The following FNTB variants were observed in gnomAD, a reference collection of about 807,000 sequenced individuals.
The protein encoded by FNTB is farnesyltransferase, CAAX box, subunit beta, also known as protein farnesyltransferase subunit beta.
In FNTB, 27 loss-of-function variants were observed where a neutral mutation model predicts 59.4. That is an observed-to-expected ratio of 0.45 (90% CI 0.34 to 0.63). The LOEUF is 0.63. FNTB is among the 20% of genes least tolerant of loss of function. The probability of loss-of-function intolerance (pLI) is 0.02; values close to 1 mark genes in which losing one functional copy is unlikely to be tolerated. For synonymous variants in FNTB, 230 were observed against 220.7 expected (o/e 1.04, Z -0.37); for missense variants, 449 against 559.6 (o/e 0.80, Z 1.99).
At chr14:65,057,836 A>C (rs914592001) in intron 11 of FNTB, among the ~76,000 whole-genome samples, 1 of 152,150 alleles carries the variant, frequency 6.6e-6, no homozygotes, top group African/African-American at 2.4e-5. Context: ...TGTGTATCTC[A>C]TGTGTACCAC....
At chr14:65,038,836 A>G (rs957316571) in intron 7 of FNTB, among the ~76,000 whole-genome samples, 2 of 152,010 alleles carry the variant, frequency 1.3e-5, no homozygotes, top group African/African-American at 4.8e-5. Flanking sequence ...TCTTGTTTTT[A>G]TTTTTGTAAT....
At chr14:65,057,672 AATAGTCTAAAGCT>A in intron 11 of FNTB, among the ~76,000 whole-genome samples, 1 of 152,310 alleles carries the variant, frequency 6.6e-6, no homozygotes, top group East Asian at 1.9e-4. Context: ...ACTTCTTCTA[AATAGTCTAAAGCT>A]TGCTTTTTTA....
chr14:64,993,864 A>AT (rs1447602396), intron 1 of FNTB, among the ~76,000 whole-genome samples: 8 of 134,932 alleles, frequency 5.9e-5, no homozygotes, highest in Admixed American at 1.5e-4. Context: ...TTTTATTTTT[A>AT]TTTTTTTTGA....
At chr14:65,002,489 A>G (rs1028558402) in intron 1 of FNTB, among the ~76,000 whole-genome samples, 1 of 152,136 alleles carries the variant, frequency 6.6e-6, no homozygotes, top group African/African-American at 2.4e-5. Context: ...GGCACCTGTA[A>G]TCCTAGCTAC....
At position 65,031,696 on chromosome 14, in the gene FNTB, G is replaced by T. The variant is rs190006957; in HGVS notation, c.606-914G>T. ...AGCACTTTGGGAGGCCAAGGCAGGT[G>T]GATTGCTTGAGGTCAGGAGTTTGAA... is the stretch of plus-strand genomic sequence containing the variant. On this transcript the variant is annotated intron_variant, in intron 6 of 11. Transcript: ENST00000246166. The surrounding 1 kb of genome is among the most constrained non-coding windows in gnomAD (Gnocchi z 4.6). Among the ~76,000 whole-genome samples the T allele has an allele frequency of 0.09, 13,643 of 152,086 alleles. 847 individuals carry two copies. The highest frequency in any genetic ancestry group is 0.16 in the Admixed American group (2,481 of 15,284).
intron 9 of FNTB, among the ~76,000 whole-genome samples, chr14:65,052,379 T>C (rs564923580): frequency 6.6e-6 from 1 of 152,356 alleles, no homozygotes; most frequent in Admixed American, 6.5e-5. Flanking sequence ...TGGGCATCTT[T>C]TTTTTAAAAA....
At chr14:65,008,208 T>G (rs548488082) in intron 2 of FNTB, among the ~76,000 whole-genome samples, 1 of 152,332 alleles carries the variant, frequency 6.6e-6, no homozygotes, top group Non-Finnish European at 1.5e-5. Flanking sequence ...GTTTAGAAAG[T>G]CCCCAGGAAC....
chr14:65,019,219 G>C (rs540769233), intron 4 of FNTB, among the ~76,000 whole-genome samples: 7 of 151,948 alleles, frequency 4.6e-5, no homozygotes, highest in Admixed American at 1.3e-4. Flanking sequence ...GGATGTAGTG[G>C]CTCATGGCTG....
chr14:65,018,255 A>G (rs1009266997), intron 4 of FNTB, among the ~76,000 whole-genome samples: 3 of 152,130 alleles, frequency 2.0e-5, no homozygotes, highest in Non-Finnish European at 4.4e-5. Flanking sequence ...ACAGGAGTTC[A>G]GGGGTTTGAG....
chr14:65,000,452 A>G (rs895398519), intron 1 of FNTB, among the ~76,000 whole-genome samples: 1 of 152,214 alleles, frequency 6.6e-6, no homozygotes, highest in African/African-American at 2.4e-5. Flanking sequence ...TTGCAACCCA[A>G]GAGCATAGAT....
At chr14:65,042,189 G>C (rs2062367979) in intron 8 of FNTB, among the ~76,000 whole-genome samples, 1 of 152,166 alleles carries the variant, frequency 6.6e-6, no homozygotes, top group Non-Finnish European at 1.5e-5. Context: ...ACCTGGGGTT[G>C]GGGGTGGGAC....
chr14:64,989,999 A>ATCC (rs890779406), intron 1 of FNTB, among the ~76,000 whole-genome samples: 3 of 152,094 alleles, frequency 2.0e-5, no homozygotes, highest in Admixed American at 1.3e-4. Flanking sequence ...AACACATGTG[A>ATCC]TCTGAGACCT....
intron 7 of FNTB, among the ~76,000 whole-genome samples, chr14:65,039,198 G>A (rs961917979): frequency 2.6e-5 from 4 of 152,122 alleles, no homozygotes; most frequent in African/African-American, 9.7e-5. Context: ...GTGTCTGTAG[G>A]GTTTTTCCCT....
intron 3 of FNTB, 97 bp from the exon 4 acceptor site, chr14:65,015,528 T>TTGCCCTCAC: frequency 7.8e-7 from 1 of 1,284,102 alleles, no homozygotes; most frequent in South Asian, 1.4e-5. Context: ...CTCCTCCCCC[T>TTGCCCTCAC]TGCCAGGCTG....
intron 3 of FNTB, among the ~76,000 whole-genome samples, chr14:65,013,531 G>A (rs1224552190): frequency 1.3e-5 from 2 of 152,132 alleles, no homozygotes; most frequent in Non-Finnish European, 2.9e-5. Flanking sequence ...ATTGAACAGT[G>A]TGCTGAAAGC....
At chr14:65,060,942 G>C (rs112078963) in intron 11 of FNTB, among the ~76,000 whole-genome samples, 1 of 143,384 alleles carries the variant, frequency 7.0e-6, no homozygotes, top group African/African-American at 2.6e-5. Context: ...ATAATATGTT[G>C]TAAGTATTTG....
chr14:65,045,418 C>T (rs563451844), intron 9 of FNTB, among the ~76,000 whole-genome samples: 1 of 143,802 alleles, frequency 7.0e-6, no homozygotes, highest in African/African-American at 2.6e-5. Flanking sequence ...CGTCTTCCCC[C>T]CTCCCCGCCG....
intron 1 of FNTB, among the ~76,000 whole-genome samples, chr14:64,993,886 G>T (rs1398780699): frequency 6.8e-6 from 1 of 146,710 alleles, no homozygotes; most frequent in Non-Finnish European, 1.5e-5. Flanking sequence ...ACAGAGTTTC[G>T]CTCTTGTCGC....
rs1298155034 is a variant in FNTB at position 65,015,702 on chromosome 14, G to C, written c.360G>C (p.Gln120His). 1.2e-6 allele frequency: 2 copies of C among 1,614,184 alleles called. No homozygotes were observed. The highest frequency in any genetic ancestry group is 8.5e-7 in the Non-Finnish European group (1 of 1,180,008). ...SLELLDEPIP[Q>H]IVATDVCQFL... The stretch of plus-strand genomic sequence containing the variant: ...AACTGCTAGATGAACCCATCCCCCA[G>C]ATAGTGGCTACAGAGTGAGTCTGTC... The change falls in exon 4 of 12, where the codon CAG becomes CAC. Residue 120 changes from glutamine to histidine, a missense_variant. Around this residue, in one of 2 missense-constraint regions of FNTB, gnomAD observed 337 missense variants for 479.1 expected, o/e 0.70. Transcript: ENST00000246166.
Sources: allele counts gnomAD v4.1 joint callset (sites outside exome capture counted in the v4.1 genomes callset), GRCh38; gene constraint gnomAD v4.1.1; regional missense constraint gnomAD v4.1.1; non-coding constraint Gnocchi (gnomAD v3.1); transcripts MANE v1.5; gene names NCBI Gene and HGNC (gene_info 2026-07-23, HGNC 2026-07-21).